The following INPP5F variants were observed in gnomAD, a reference collection of about 807,000 sequenced individuals.
The protein encoded by INPP5F is phosphatidylinositide 4-phosphatase SAC2.
INPP5F carries 97 observed loss-of-function variants against 137.2 expected under a neutral mutation model. The observed-to-expected ratio is 0.71, with a 90% CI of 0.60 to 0.84. The LOEUF (loss-of-function observed/expected upper bound fraction) is 0.84, where lower values mean the gene tolerates loss of function less well. INPP5F is among the 40% of genes least tolerant of loss of function. The probability of loss-of-function intolerance (pLI) is 0.00; values close to 1 mark genes in which losing one functional copy is unlikely to be tolerated. For synonymous variants in INPP5F, 504 were observed against 476.9 expected (o/e 1.06, Z -0.74); for missense variants, 1,271 against 1,371.9 (o/e 0.93, Z 1.16).
intron 1 of INPP5F, among the ~76,000 whole-genome samples, chr10:119,747,800 T>C (rs1470907433): frequency 6.6e-6 from 1 of 152,202 alleles, no homozygotes; most frequent in African/African-American, 2.4e-5. Context: ...AAGTACTTCC[T>C]TAAGTGGAAA....
Position 119,811,902 on chromosome 10 carries a change from G to C in INPP5F, c.1833G>C (p.Leu611=), listed in dbSNP as rs533941383. The C allele has an allele frequency of 3.7e-6, 6 of 1,614,186 alleles. No homozygotes were observed. The African/African-American group carries it at 8.0e-5, about 22-fold the overall frequency. ...QLLQSYMKLL[L]PDDEKFHGGW... ...TACAAAGTTACATGAAGTTACTACTGCCTGATGATGAGAAGTTCCATGGGG... is the reference window on the plus strand; with the variant it reads ...TACAAAGTTACATGAAGTTACTACTCCCTGATGATGAGAAGTTCCATGGGG... The change falls in exon 15 of 20, where the codon CTG becomes CTC. Residue 611 remains leucine (L), a synonymous_variant. Coordinates refer to ENST00000650623, the MANE Select transcript of INPP5F (RefSeq NM_014937.4).
intron 19 of INPP5F, among the ~76,000 whole-genome samples, chr10:119,825,769 C>T (rs1187483260): frequency 1.3e-5 from 2 of 152,176 alleles, no homozygotes; most frequent in East Asian, 3.8e-4. Context: ...GGTCCACATT[C>T]TGCTAGTGAA....
chr10:119,805,267 A>T, intron 10 of INPP5F, 117 bp from the exon 11 acceptor site: 1 of 700,256 alleles, frequency 1.4e-6, no homozygotes, highest in African/African-American at 1.8e-5. Flanking sequence ...AACCTCATAT[A>T]TGTACAGCAA....
rs1464049502 is a variant in INPP5F, at chr10:119,804,265, C to CACTTACGTTTCGTTTG, written c.1214_1229dup (p.Phe410LeufsTer5). 1 of 1,612,262 alleles carries CACTTACGTTTCGTTTG rather than the reference C, an allele frequency of 6.2e-7. No homozygotes were observed. Reference sequence around the variant, plus strand: ...TGTTGCTTTTCAACAACTCACACCTCACTTACGTTTCGTTTGACTTCCATG... The same window carrying CACTTACGTTTCGTTTG: ...TGTTGCTTTTCAACAACTCACACCTCACTTACGTTTCGTTTGACTTACGTTTCGTTTGACTTCCATG... On this transcript the variant is annotated frameshift_variant, in exon 10 of 20. Coordinates refer to ENST00000650623, the MANE Select transcript of INPP5F (RefSeq NM_014937.4). LOFTEE classifies it high-confidence loss of function.
At chr10:119,750,683 T>A (rs1848666523) in intron 1 of INPP5F, among the ~76,000 whole-genome samples, 1 of 152,238 alleles carries the variant, frequency 6.6e-6, no homozygotes, top group Non-Finnish European at 1.5e-5. Context: ...CAGAGTGTGA[T>A]CCAGTAAGTG....
At chr10:119,807,177 G>A (rs1234060753) in intron 12 of INPP5F, among the ~76,000 whole-genome samples, 1 of 152,138 alleles carries the variant, frequency 6.6e-6, no homozygotes, top group Non-Finnish European at 1.5e-5. Context: ...GGAGGCTAAG[G>A]CATGAAAATC....
At chr10:119,726,829 G>A (rs1198992208) in intron 1 of INPP5F, among the ~76,000 whole-genome samples, 1 of 152,246 alleles carries the variant, frequency 6.6e-6, no homozygotes, top group Non-Finnish European at 1.5e-5. Flanking sequence ...TTGCCATCCC[G>A]TGTGTTCTTG....
chr10:119,778,774 G>A (rs988700302), intron 2 of INPP5F, among the ~76,000 whole-genome samples: 8 of 152,106 alleles, frequency 5.3e-5, no homozygotes, highest in Non-Finnish European at 1.0e-4. Context: ...TCTGAAGTTA[G>A]TTCAGTTAGT....
intron 2 of INPP5F, among the ~76,000 whole-genome samples, chr10:119,762,736 G>A (rs942425590): frequency 1.3e-5 from 2 of 152,092 alleles, no homozygotes; most frequent in East Asian, 1.9e-4. Flanking sequence ...GAGGATTTTG[G>A]TATCTATAGG....
intron 1 of INPP5F, among the ~76,000 whole-genome samples, chr10:119,738,648 T>TACACACACAC (rs57713774): frequency 1.5e-4 from 22 of 150,348 alleles, no homozygotes; most frequent in African/African-American, 4.6e-4. Context: ...AGATTTTAAA[T>TACACACACAC]ACACACACAC....
In INPP5F at chr10:119,823,806, G is replaced by A; in HGVS notation, c.2162-9G>A. The A allele has an allele frequency of 6.2e-7, 1 of 1,609,502 alleles. No individual in the cohort carries two copies. Among genetic ancestry groups the A allele is most frequent in the Non-Finnish European group, 8.5e-7 (1 of 1,176,708 alleles). ...GAGAAATTGGCAGGCAGTTATATTT[G>A]GGTTGCAGATACCCTTCAGTGCATT... On this transcript the variant is annotated splice_polypyrimidine_tract_variant and intron_variant, in intron 18 of 19. Transcript: ENST00000650623.
intron 6 of INPP5F, 146 bp from the exon 7 acceptor site, chr10:119,796,569 T>G (rs1036550520): frequency 1.2e-5 from 9 of 729,710 alleles, no homozygotes; most frequent in Non-Finnish European, 2.0e-5. Flanking sequence ...TTACGTGGTG[T>G]TCTTCAATAA....
At chr10:119,814,875 G>GT (rs992482397) in intron 15 of INPP5F, among the ~76,000 whole-genome samples, 49 of 150,630 alleles carry the variant, frequency 3.3e-4, no homozygotes, top group Admixed American at 6.6e-4. Flanking sequence ...TACTTTTTTT[G>GT]TTTTTTTTTG....
At chr10:119,757,720 G>T (rs1848890345) in intron 2 of INPP5F, among the ~76,000 whole-genome samples, 1 of 152,116 alleles carries the variant, frequency 6.6e-6, no homozygotes, top group Non-Finnish European at 1.5e-5. Context: ...GAACCCGGGA[G>T]GTGGATGCTG....
intron 2 of INPP5F, among the ~76,000 whole-genome samples, chr10:119,754,526 GAA>G (rs1848779454): frequency 6.6e-6 from 1 of 152,088 alleles, no homozygotes; most frequent in Non-Finnish European, 1.5e-5. Flanking sequence ...ACTGGAGAAA[GAA>G]AGTATAAAAA....
chr10:119,738,243 A>G (rs370414365), intron 1 of INPP5F, among the ~76,000 whole-genome samples: 21 of 152,380 alleles, frequency 1.4e-4, no homozygotes, highest in African/African-American at 5.0e-4. Flanking sequence ...CAAAAAGGCT[A>G]TACTTTTGTA....
chr10:119,819,537 C>T lies in INPP5F; in HGVS notation c.1887-1309C>T, dbSNP rs752972000. On this transcript the variant is annotated intron_variant, in intron 15 of 19. Transcript: ENST00000650623. ...GGCTCAAGCAACAATTTTCAGAGTG[C>T]ACGTAAGTATCAACGCGTAAAACTT... 5 of 1,600,388 alleles carry T rather than the reference C, an allele frequency of 3.1e-6. No individual in the cohort carries two copies. In the Admixed American group the frequency reaches 6.8e-5, roughly 22 times the overall value.
chr10:119,827,279 T>A lies in INPP5F; in HGVS notation c.2898T>A (p.Asp966Glu), dbSNP rs751355443. The A allele has an allele frequency of 1.2e-6, 2 of 1,614,160 alleles. No individual in the cohort carries two copies. The highest frequency in any genetic ancestry group is 1.7e-6 in the Non-Finnish European group (2 of 1,180,028). The change falls in exon 20 of 20, where the codon GAT becomes GAA. Residue 966 changes from aspartate to glutamate, a missense_variant. Physicochemically the swap from Asp to Glu is conservative, Grantham distance 45 (BLOSUM62 2). Coordinates refer to ENST00000650623, the MANE Select transcript of INPP5F (RefSeq NM_014937.4). ...MDIYCHRFVQDAQNKVTHLSE... is the reference protein window; with the variant it reads ...MDIYCHRFVQEAQNKVTHLSE... ...TTTACTGCCACAGATTTGTGCAAGA[T>A]GCACAGAACAAAGTGACCCACCTAT...
intron 2 of INPP5F, among the ~76,000 whole-genome samples, chr10:119,778,134 G>A (rs756367813): frequency 5.3e-5 from 8 of 151,984 alleles, no homozygotes; most frequent in African/African-American, 1.5e-4. Flanking sequence ...AGCCTCCCGA[G>A]TAGCTGGGAT....
Sources: gnomAD v4.1 joint callset for allele counts (sites outside exome capture counted in the v4.1 genomes callset) on GRCh38, gnomAD v4.1.1 for gene constraint, MANE v1.5 for transcripts, NCBI Gene and HGNC (gene_info 2026-07-23, HGNC 2026-07-21) for gene names.